Variants in CFDP1 observed in about 807,000 individuals in gnomAD.
CFDP1 encodes heterochromatin-stabilizing protein CFDP1.
Under a neutral mutation model 40.1 loss-of-function variants are expected in CFDP1, and 31 were observed. The ratio of observed to expected loss-of-function variants is 0.77; its 90% CI spans 0.58 to 1.04. The LOEUF is 1.04. Among genes scored for constraint, CFDP1 ranks in the 50% least tolerant of loss-of-function variants. The probability of loss-of-function intolerance (pLI) is 0.00; values close to 1 mark genes in which losing one functional copy is unlikely to be tolerated. For synonymous variants in CFDP1, 167 were observed against 120.0 expected (o/e 1.39, Z -2.56); for missense variants, 423 against 343.4 (o/e 1.23, Z -1.83).
At chr16:75,350,635 A>G (rs896783599) in intron 5 of CFDP1, among the ~76,000 whole-genome samples, 6 of 152,202 alleles carry the variant, frequency 3.9e-5, no homozygotes, top group African/African-American at 9.6e-5. Context: ...ATATAAGCAT[A>G]AGACTATTCA....
At chr16:75,381,561 C>G (rs1321580416) in intron 5 of CFDP1, among the ~76,000 whole-genome samples, 1 of 152,080 alleles carries the variant, frequency 6.6e-6, no homozygotes, top group African/African-American at 2.4e-5. Flanking sequence ...CCTCTACCAA[C>G]GACAGGCAGT....
At chr16:75,397,409 G>A (rs1161361609) in intron 4 of CFDP1, among the ~76,000 whole-genome samples, 1 of 151,600 alleles carries the variant, frequency 6.6e-6, no homozygotes, top group African/African-American at 2.4e-5. Context: ...CAGCTACTTA[G>A]GAGGCTGAAT....
intron 5 of CFDP1, among the ~76,000 whole-genome samples, chr16:75,321,464 A>G (rs2078363029): frequency 6.6e-6 from 1 of 152,194 alleles, no homozygotes; most frequent in African/African-American, 2.4e-5. Flanking sequence ...CTTGGCAACT[A>G]CTAATCTACT....
At position 75,293,997 on chromosome 16, in the gene CFDP1, C is replaced by T. The variant is rs112742373; in HGVS notation, c.855G>A (p.Gln285=). The change falls in exon 7 of 7, where the codon CAG becomes CAA. Residue 285 remains glutamine, a synonymous_variant. Transcript: ENST00000283882. ...GCCTGAGATCTCGCTCAATTTCAAA[C>T]TGCCTGTGATCCACTCGGTCAAGGA... ...KAFLDRVDHR[Q]FEIERDLRLS... 1.2e-6 allele frequency: 2 copies of T among 1,614,164 alleles called. No individual in the cohort carries two copies. Among genetic ancestry groups the T allele is most frequent in the African/African-American group, 1.3e-5 (1 of 75,046 alleles).
At chr16:75,303,878 C>A (rs1258207069) in intron 6 of CFDP1, among the ~76,000 whole-genome samples, 1 of 152,128 alleles carries the variant, frequency 6.6e-6, no homozygotes, top group Non-Finnish European at 1.5e-5. Flanking sequence ...GAAGAGCTTA[C>A]TGGTAAGAAG....
intron 5 of CFDP1, among the ~76,000 whole-genome samples, chr16:75,384,704 CAATAAGAGAAGGTGCACTCA>C (rs1319459789): frequency 6.6e-6 from 1 of 151,500 alleles, no homozygotes; most frequent in East Asian, 1.9e-4. Context: ...AAATGTTCAT[CAATAAGAGAAGGTGCACTCA>C]AATTATGGAA....
intron 1 of CFDP1, among the ~76,000 whole-genome samples, chr16:75,421,689 G>A (rs537654148): frequency 6.6e-6 from 1 of 152,232 alleles, no homozygotes; most frequent in Non-Finnish European, 1.5e-5. Context: ...AACAAAGCCT[G>A]TATTTCCTCA....
At chr16:75,394,340 T>C (rs1162247413) in intron 5 of CFDP1, among the ~76,000 whole-genome samples, 1 of 152,230 alleles carries the variant, frequency 6.6e-6, no homozygotes, top group African/African-American at 2.4e-5. Context: ...AAAGAAAGAA[T>C]TCTAGCCTTC....
At chr16:75,297,267 G>A (rs575550579) in intron 6 of CFDP1, among the ~76,000 whole-genome samples, 31 of 151,620 alleles carry the variant, frequency 2.0e-4, no homozygotes, top group Non-Finnish European at 8.8e-5. Context: ...TAATCTGCCC[G>A]CCTCAGCCTC....
intron 6 of CFDP1, among the ~76,000 whole-genome samples, chr16:75,297,909 G>C (rs1043635038): frequency 6.6e-6 from 1 of 152,146 alleles, no homozygotes; most frequent in Non-Finnish European, 1.5e-5. Flanking sequence ...AATGCTACTA[G>C]GGAACATGTC....
At chr16:75,303,234 C>T (rs1399934850) in intron 6 of CFDP1, among the ~76,000 whole-genome samples, 4 of 150,626 alleles carry the variant, frequency 2.7e-5, no homozygotes, top group East Asian at 2.0e-4. Flanking sequence ...GGCGTGTAGG[C>T]GCGCGCCTGT....
At chr16:75,389,950 C>G (rs998892148) in intron 5 of CFDP1, among the ~76,000 whole-genome samples, 2 of 152,186 alleles carry the variant, frequency 1.3e-5, no homozygotes, top group African/African-American at 4.8e-5. Context: ...CATTCTGGAT[C>G]TACTCAGAAA....
intron 5 of CFDP1, among the ~76,000 whole-genome samples, chr16:75,355,627 T>C (rs1445256064): frequency 1.3e-5 from 2 of 152,154 alleles, no homozygotes; most frequent in African/African-American, 4.8e-5. Context: ...TGAATTACAA[T>C]AATCTCCATG....
At chr16:75,407,432 T>C (rs188411075) in intron 4 of CFDP1, among the ~76,000 whole-genome samples, 35 of 152,168 alleles carry the variant, frequency 2.3e-4, no homozygotes, top group African/African-American at 7.7e-4. Flanking sequence ...ATCCCAGCAC[T>C]TTGGTGGGCC....
intron 1 of CFDP1, among the ~76,000 whole-genome samples, chr16:75,424,229 A>G (rs1479831309): frequency 6.6e-6 from 1 of 152,216 alleles, no homozygotes; most frequent in African/African-American, 2.4e-5. Flanking sequence ...CTAAGTTACT[A>G]TCTAACTGGA....
At chr16:75,431,968 G>C (rs1384569423) in intron 1 of CFDP1, among the ~76,000 whole-genome samples, 1 of 147,696 alleles carries the variant, frequency 6.8e-6, no homozygotes, top group African/African-American at 2.5e-5. Context: ...CTGGAGTGCA[G>C]TGGTGTGATC....
chr16:75,340,971 C>T (rs1055951627), intron 5 of CFDP1, among the ~76,000 whole-genome samples: 1 of 152,072 alleles, frequency 6.6e-6, no homozygotes, highest in Non-Finnish European at 1.5e-5. Flanking sequence ...GAAGTAGACT[C>T]CATTGTGAGT....
chr16:75,317,147 A>G (rs1380377752), intron 5 of CFDP1, among the ~76,000 whole-genome samples: 1 of 152,222 alleles, frequency 6.6e-6, no homozygotes, highest in East Asian at 1.9e-4. Flanking sequence ...CCTCGCCTAG[A>G]TGAGTGGAGA....
intron 5 of CFDP1, among the ~76,000 whole-genome samples, chr16:75,355,556 T>G (rs1043758337): frequency 6.6e-6 from 1 of 152,176 alleles, no homozygotes; most frequent in African/African-American, 2.4e-5. Context: ...ATTGAAGCAA[T>G]TCAGTCACAT....
Sources: allele counts gnomAD v4.1 joint callset (sites outside exome capture counted in the v4.1 genomes callset), GRCh38; gene constraint gnomAD v4.1.1; transcripts MANE v1.5; gene names NCBI Gene and HGNC (gene_info 2026-07-23, HGNC 2026-07-21).